KIAA0319: variants seen among roughly 807,000 people sequenced by gnomAD.
KIAA0319 encodes KIAA0319, also known as dyslexia-associated protein KIAA0319.
KIAA0319 carries 83 observed loss-of-function variants against 108.4 expected under a neutral mutation model. The ratio of observed to expected loss-of-function variants is 0.77; its 90% confidence interval spans 0.64 to 0.92. The LOEUF (loss-of-function observed/expected upper bound fraction) is 0.92. Ranked by LOEUF, KIAA0319 falls within the 40% of genes least tolerant of loss-of-function variation. The pLI, the probability that KIAA0319 is intolerant of heterozygous loss-of-function variation, is 0.00. For synonymous variants in KIAA0319, 484 were observed against 510.4 expected (o/e 0.95, Z 0.70); for missense variants, 1,195 against 1,322.4 (o/e 0.90, Z 1.49).
At chr6:24,608,957 A>AAAG (rs1771868156) in intron 1 of KIAA0319, among the ~76,000 whole-genome samples, 1 of 145,226 alleles carries the variant, frequency 6.9e-6, no homozygotes, top group Admixed American at 6.9e-5. Context: ...AAAAAAAAAA[A>AAAG]GGCATGTCAA....
In KIAA0319 at chr6:24,599,429, C is replaced by T; in HGVS notation, c.55+1620G>A. 1.8e-6 allele frequency: 1 copy of T among 550,972 alleles called. No individual in the cohort carries two copies. Among genetic ancestry groups the T allele is most frequent in the Non-Finnish European group, 3.5e-6 (1 of 286,366 alleles). The allele number at this position is 550,972 out of a possible 1,614,324, so 34.1% of individuals were successfully genotyped here. A position where few individuals can be genotyped will look rare whatever the true frequency, so the allele number is the denominator to read the frequency against. ...CCAAGCTGTCCAAGCTGGAGGCCAC[C>T]CTGCAGTGGGCCATGCAGGACATGG... On this transcript the variant is annotated intron_variant, in intron 2 of 20. Coordinates refer to ENST00000378214, the MANE Select transcript of KIAA0319 (RefSeq NM_014809.4). This position sits in a 1 kb window ranked among gnomAD's most constrained non-coding sequence, Gnocchi z 4.1.
chr6:24,596,249 GT>G lies in KIAA0319; in HGVS notation c.424del (p.Thr142ProfsTer3). ...DSPEDIRKDL[T>X]FLGKDWGLEE... The stretch of plus-strand genomic sequence containing the variant: ...TAGGCCCCAATCTTTGCCTAGAAAG[GT>G]CAAGTCCTTTCTGATATCCTCAGGT... On this transcript the variant is annotated frameshift_variant, in exon 3 of 21. Transcript: ENST00000378214. LOFTEE classifies it high-confidence loss of function. 6.2e-7 allele frequency: 1 copy of G among 1,614,178 alleles called. No homozygotes were observed. The highest frequency in any genetic ancestry group is 8.5e-7 in the Non-Finnish European group (1 of 1,180,036).
chr6:24,579,614 CT>C (rs1766157099), intron 8 of KIAA0319, among the ~76,000 whole-genome samples: 1 of 150,558 alleles, frequency 6.6e-6, no homozygotes. Context: ...AATAATTGCT[CT>C]AATTCCCTAT....
chr6:24,546,207 T>C lies in KIAA0319; in HGVS notation c.*958A>G, dbSNP rs1055307859. Reference sequence around the variant, plus strand: ...GTACCTGTCGGGGACCAGAGTATCATAACCACGCCATCCAAGTTAAGACTG... The same window carrying C: ...GTACCTGTCGGGGACCAGAGTATCACAACCACGCCATCCAAGTTAAGACTG... On this transcript the variant is annotated 3_prime_UTR_variant, in exon 21 of 21. Coordinates refer to ENST00000378214, the MANE Select transcript of KIAA0319 (RefSeq NM_014809.4). The C allele has an allele frequency of 7.2e-5, 11 of 152,198 alleles. No individual in the cohort carries two copies. Among genetic ancestry groups the C allele is most frequent in the African/African-American group, 1.9e-4 (8 of 41,448 alleles). 9.4% of individuals were successfully genotyped at this position (152,198 alleles called of 1,614,324 possible). A position where few individuals can be genotyped will look rare whatever the true frequency, so the allele number is the denominator to read the frequency against.
intron 1 of KIAA0319, among the ~76,000 whole-genome samples, chr6:24,609,273 C>CAAAAAAAAAAAAAAAAA (rs886616830): frequency 4.0e-5 from 3 of 74,820 alleles, no homozygotes; most frequent in South Asian, 4.0e-4. Flanking sequence ...GTCTCAAAAA[C>CAAAAAAAAAAAAAAAAA]AAAAAAAAAA....
intron 1 of KIAA0319, among the ~76,000 whole-genome samples, chr6:24,644,422 A>AT (rs558479488): frequency 1.9e-3 from 287 of 152,182 alleles, no homozygotes; most frequent in African/African-American, 6.4e-3. Context: ...AAGTTTGGTG[A>AT]TTTTTTTATG....
Position 24,589,708 on chromosome 6 carries a change from T to G in KIAA0319, c.802-923A>C, listed in dbSNP as rs548516373. ...TTTGTAAATTAACCAGTCTTAGGTA[T>G]GTCTTTATAGCAATGTAAGAATGGA... On this transcript the variant is annotated intron_variant, in intron 3 of 20. Coordinates refer to ENST00000378214, the MANE Select transcript of KIAA0319 (RefSeq NM_014809.4). 1.2e-3 allele frequency among the ~76,000 whole-genome samples: 178 copies of G among 152,366 alleles called. 1 individual carries two copies. The highest frequency in any genetic ancestry group is 4.0e-3 in the African/African-American group (166 of 41,592).
At position 24,578,254 on chromosome 6, in the gene KIAA0319, A is replaced by G. The variant is rs1321084592; in HGVS notation, c.1373-12T>C. 3 of 1,558,786 alleles carry G rather than the reference A, an allele frequency of 1.9e-6. No homozygotes were observed. Among genetic ancestry groups the G allele is most frequent in the Non-Finnish European group, 2.6e-6 (3 of 1,139,002 alleles). On this transcript the variant is annotated splice_polypyrimidine_tract_variant and intron_variant, in intron 8 of 20. Coordinates refer to ENST00000378214, the MANE Select transcript of KIAA0319 (RefSeq NM_014809.4). ...ATCATCTGTACTTTCTACAAGATTA[A>G]GAAATAAAGACAAGAATGAAATACA... is the stretch of plus-strand genomic sequence containing the variant.
intron 1 of KIAA0319, among the ~76,000 whole-genome samples, chr6:24,607,358 A>AAAAAAGAACAG (rs1554168939): frequency 6.7e-6 from 1 of 149,898 alleles, no homozygotes; most frequent in Non-Finnish European, 1.5e-5. Flanking sequence ...CTCCATCTCA[A>AAAAAAGAACAG]AAAAAGAAAA....
At chr6:24,644,043 C>T (rs1366118642) in intron 1 of KIAA0319, among the ~76,000 whole-genome samples, 1 of 152,246 alleles carries the variant, frequency 6.6e-6, no homozygotes, top group Non-Finnish European at 1.5e-5. Context: ...TTTCATTCAA[C>T]GTTGGTGACA....
rs1405370672 is a variant in KIAA0319 at position 24,599,021 on chromosome 6, C to T, written c.55+2028G>A. The T allele has an allele frequency of 2.8e-6, 2 of 719,428 alleles. No homozygotes were observed. Among genetic ancestry groups the T allele is most frequent in the African/African-American group, 1.7e-5 (1 of 58,296 alleles). 44.6% of individuals were successfully genotyped at this position (719,428 alleles called of 1,614,324 possible). A position where few individuals can be genotyped will look rare whatever the true frequency, so the allele number is the denominator to read the frequency against. ...AAGGGCTGAATAACGAGATCAACTTCCTCAGGCAGCTGTATGAAGAGGAGA... is the reference window on the plus strand; with the variant it reads ...AAGGGCTGAATAACGAGATCAACTTTCTCAGGCAGCTGTATGAAGAGGAGA... On this transcript the variant is annotated intron_variant, in intron 2 of 20. Coordinates refer to ENST00000378214, the MANE Select transcript of KIAA0319 (RefSeq NM_014809.4). The surrounding 1 kb of genome is among the most constrained non-coding windows in gnomAD (Gnocchi z 4.1).
At chr6:24,560,440 T>C (rs1762958450) in intron 16 of KIAA0319, among the ~76,000 whole-genome samples, 1 of 152,224 alleles carries the variant, frequency 6.6e-6, no homozygotes, top group Admixed American at 6.5e-5. Flanking sequence ...GGTTGGCATT[T>C]TCCTGGTGGC....
intron 1 of KIAA0319, among the ~76,000 whole-genome samples, chr6:24,616,502 C>A (rs1200262410): frequency 6.6e-6 from 1 of 152,092 alleles, no homozygotes; most frequent in Non-Finnish European, 1.5e-5. Context: ...GGACCATGCA[C>A]GACACCACAC....
chr6:24,640,949 T>G (rs1776836594), intron 1 of KIAA0319, among the ~76,000 whole-genome samples: 1 of 152,130 alleles, frequency 6.6e-6, no homozygotes, highest in Admixed American at 6.6e-5. Flanking sequence ...ACACTGCACC[T>G]GGCCCATTTT....
chr6:24,550,256 C>T (rs1761274784), intron 20 of KIAA0319, among the ~76,000 whole-genome samples: 1 of 152,222 alleles, frequency 6.6e-6, no homozygotes, highest in African/African-American at 2.4e-5. Context: ...CTGTGAGCTC[C>T]TGTAAAGGCA....
At chr6:24,543,509 C>G (rs1001709924), downstream of KIAA0319, among the ~76,000 whole-genome samples, 2 of 152,126 alleles carry the variant, frequency 1.3e-5, no homozygotes, top group Admixed American at 6.5e-5. Flanking sequence ...CTCACTGCAA[C>G]CTCCACCCCC....
rs780484298 is a variant in KIAA0319 at position 24,588,636 on chromosome 6, G to T, written c.951C>A (p.Thr317=). 11 of 1,613,834 alleles carry T rather than the reference G, an allele frequency of 6.8e-6. No homozygotes were observed. In the South Asian group the frequency reaches 1.2e-4, roughly 18 times the overall value. Residue 317 remains threonine (T), a synonymous_variant, in exon 4 of 21, where the codon ACC becomes ACA. Transcript: ENST00000378214. The stretch of plus-strand genomic sequence containing the variant: ...TAGGAGATATGGGTAGCTCAGATGG[G>T]GTGGACTCAGAGGGGGCTGCGCTAG... ...PPTSAAPSES[T]PSELPISPTT...
chr6:24,576,635 C>T (rs1003547052), intron 9 of KIAA0319, 39 bp from the exon 10 acceptor site: 2 of 1,534,044 alleles, frequency 1.3e-6, no homozygotes, highest in African/African-American at 1.4e-5. Context: ...GAAGAATATG[C>T]CAGGCTGGGT....
chr6:24,633,543 T>C (rs1476084915), intron 1 of KIAA0319, among the ~76,000 whole-genome samples: 3 of 152,062 alleles, frequency 2.0e-5, no homozygotes, highest in African/African-American at 4.8e-5. Flanking sequence ...GAGGATCACT[T>C]GAGGCCAGGA....
Sources: allele counts gnomAD v4.1 joint callset (sites outside exome capture counted in the v4.1 genomes callset), GRCh38; gene constraint gnomAD v4.1.1; non-coding constraint Gnocchi (gnomAD v3.1); transcripts MANE v1.5; gene names NCBI Gene and HGNC (gene_info 2026-07-23, HGNC 2026-07-21).